Variants in ROBO2 observed in about 807,000 individuals in gnomAD.
The protein encoded by ROBO2 is roundabout guidance receptor 2.
ROBO2 carries 53 observed loss-of-function variants against 160.8 expected under a neutral mutation model. The ratio of observed to expected loss-of-function variants is 0.33; its 90% confidence interval spans 0.26 to 0.41. ROBO2 has a LOEUF of 0.41. ROBO2 is among the 10% of genes least tolerant of loss of function. The probability of loss-of-function intolerance (pLI) is 1.00; values close to 1 mark genes in which losing one functional copy is unlikely to be tolerated. For missense variants in ROBO2, 1,577 were observed against 1,722.4 expected (o/e 0.92, Z 1.49); for synonymous variants, 664 against 611.7 (o/e 1.09, Z -1.26).
intron 2 of ROBO2, among the ~76,000 whole-genome samples, chr3:76,486,459 A>T (rs1244193020): frequency 6.6e-6 from 1 of 152,174 alleles, no homozygotes; most frequent in Non-Finnish European, 1.5e-5. Flanking sequence ...GGTGGTTTAG[A>T]TGCAACACCT....
chr3:77,599,400 C>T (rs191413962), intron 19 of ROBO2, among the ~76,000 whole-genome samples: 215 of 148,862 alleles, frequency 1.4e-3, no homozygotes, highest in African/African-American at 5.2e-3. Flanking sequence ...TGGATACTGA[C>T]ATTTTCCCAC....
chr3:76,575,855 T>C (rs530373874), intron 2 of ROBO2, among the ~76,000 whole-genome samples: 1 of 152,206 alleles, frequency 6.6e-6, no homozygotes, highest in South Asian at 2.1e-4. Flanking sequence ...TTTAGATTTG[T>C]GGAGAGAGAG....
At chr3:76,478,095 T>A (rs1465153798) in intron 2 of ROBO2, among the ~76,000 whole-genome samples, 1 of 150,862 alleles carries the variant, frequency 6.6e-6, no homozygotes, top group East Asian at 2.0e-4. Context: ...GTTACATATG[T>A]ATACATGTGC....
At chr3:76,021,743 A>G (rs1360045699) in intron 2 of ROBO2, among the ~76,000 whole-genome samples, 1 of 151,786 alleles carries the variant, frequency 6.6e-6, no homozygotes, top group African/African-American at 2.4e-5. Context: ...ACGATTATCT[A>G]TTCCTTCATC....
At chr3:77,468,283 CTT>C (rs2082993556) in intron 2 of ROBO2, among the ~76,000 whole-genome samples, 1 of 152,196 alleles carries the variant, frequency 6.6e-6, no homozygotes, top group Non-Finnish European at 1.5e-5. Flanking sequence ...ACTGCTGGCT[CTT>C]TAACTGCAAA....
At chr3:76,017,540 C>A (rs1290622926) in intron 2 of ROBO2, among the ~76,000 whole-genome samples, 1 of 152,026 alleles carries the variant, frequency 6.6e-6, no homozygotes, top group Admixed American at 6.6e-5. Flanking sequence ...GAAATGTAGG[C>A]AAATATTAGA....
rs750182926 is a variant in ROBO2 at position 77,579,972 on chromosome 3, G to A, written c.2354G>A (p.Arg785Gln). Residue 785 changes from arginine (R) to glutamine (Q), a missense_variant, in exon 16 of 26, where the codon CGA becomes CAA. Coordinates refer to ENST00000461745, the Ensembl canonical transcript of ROBO2. Reference sequence around the variant, plus strand: ...ATCTGGTGTCTAGGAAATGAAACGCGATTCCATATCAACAAAACTGTGGAT... The same window carrying A: ...ATCTGGTGTCTAGGAAATGAAACGCAATTCCATATCAACAAAACTGTGGAT... 1.5e-5 allele frequency: 24 copies of A among 1,613,602 alleles called. No homozygotes were observed. Among genetic ancestry groups the A allele is most frequent in the Non-Finnish European group, 1.9e-5 (23 of 1,179,658 alleles).
At chr3:77,528,396 C>T (rs1208047322) in intron 6 of ROBO2, among the ~76,000 whole-genome samples, 1 of 151,434 alleles carries the variant, frequency 6.6e-6, no homozygotes, top group Non-Finnish European at 1.5e-5. Flanking sequence ...TCATTGACAC[C>T]TGATATATAT....
chr3:77,082,442 T>C (rs2068763880), intron 1 of ROBO2, among the ~76,000 whole-genome samples: 1 of 152,072 alleles, frequency 6.6e-6, no homozygotes, highest in Non-Finnish European at 1.5e-5. Context: ...CTGTGACTGA[T>C]CATTGGGTAT....
intron 23 of ROBO2, among the ~76,000 whole-genome samples, chr3:77,625,726 A>C (rs2153708841): frequency 6.6e-6 from 1 of 152,256 alleles, no homozygotes; most frequent in Non-Finnish European, 1.5e-5. Context: ...TGGTCTCATT[A>C]GCTAAGAATG....
intron 2 of ROBO2, among the ~76,000 whole-genome samples, chr3:76,743,498 C>A (rs751540978): frequency 2.0e-5 from 3 of 151,890 alleles, no homozygotes; most frequent in Non-Finnish European, 4.4e-5. Flanking sequence ...ATGGGAGAAT[C>A]AACTGAATTG....
chr3:76,127,513 T>C (rs1183934130), intron 2 of ROBO2, among the ~76,000 whole-genome samples: 1 of 151,934 alleles, frequency 6.6e-6, no homozygotes, highest in Non-Finnish European at 1.5e-5. Context: ...TGTGATATAG[T>C]TGGACACGTT....
intron 2 of ROBO2, among the ~76,000 whole-genome samples, chr3:76,714,761 G>A (rs1309715965): frequency 6.6e-6 from 1 of 152,100 alleles, no homozygotes; most frequent in Non-Finnish European, 1.5e-5. Context: ...CAATAGCACT[G>A]ACTCTGGGAA....
intron 21 of ROBO2, among the ~76,000 whole-genome samples, chr3:77,611,597 T>C (rs1034530257): frequency 1.3e-5 from 2 of 152,138 alleles, no homozygotes; most frequent in East Asian, 1.9e-4. Flanking sequence ...CCTGAAAATA[T>C]TGTCTCTAGT....
chr3:76,467,500 G>C (rs554872240), intron 2 of ROBO2, among the ~76,000 whole-genome samples: 19 of 152,180 alleles, frequency 1.2e-4, no homozygotes, highest in Middle Eastern at 3.4e-3. Context: ...ATTCTCCCTT[G>C]ATGTCAAGTC....
Position 77,473,016 on chromosome 3 carries a change from A to G in ROBO2, c.389-4398A>G, listed in dbSNP as rs545290914. ...GACTGAGTTTAAGAACAGAGGTTTA[A>G]TAGGCAAAGGAGAAACCCTCCCTTG... On this transcript the variant is annotated intron_variant, in intron 2 of 25. Coordinates refer to ENST00000461745, the Ensembl canonical transcript of ROBO2. 3.9e-5 allele frequency among the ~76,000 whole-genome samples: 6 copies of G among 152,192 alleles called. No homozygotes were observed. The South Asian group carries it at 1.2e-3, about 32-fold the overall frequency.
At chr3:77,132,825 G>T (rs1307864209) in intron 2 of ROBO2, among the ~76,000 whole-genome samples, 1 of 152,056 alleles carries the variant, frequency 6.6e-6, no homozygotes, top group Non-Finnish European at 1.5e-5. Flanking sequence ...TGTGTGGTAA[G>T]TTTACAATAT....
At chr3:77,148,630 T>C (rs1436284202) in intron 2 of ROBO2, among the ~76,000 whole-genome samples, 2 of 152,208 alleles carry the variant, frequency 1.3e-5, no homozygotes, top group Non-Finnish European at 2.9e-5. Context: ...ATCACTAATA[T>C]TGCAGCCAAT....
chr3:77,082,245 G>A (rs553053085), intron 1 of ROBO2, among the ~76,000 whole-genome samples: 2 of 152,278 alleles, frequency 1.3e-5, no homozygotes, highest in East Asian at 3.9e-4. Flanking sequence ...GTGATTAAGT[G>A]CCATCTAAAA....
Sources: allele counts gnomAD v4.1 joint callset (sites outside exome capture counted in the v4.1 genomes callset), GRCh38; gene constraint gnomAD v4.1.1; transcripts MANE v1.5; gene names NCBI Gene and HGNC (gene_info 2026-07-23, HGNC 2026-07-21).